The following GNB5 variants were observed in gnomAD, a reference collection of about 807,000 sequenced individuals.
GNB5 encodes the protein guanine nucleotide-binding protein subunit beta-5.
A neutral mutation model predicts 55.3 loss-of-function variants in GNB5; 37 were observed. The ratio of observed to expected loss-of-function variants is 0.67; its 90% confidence interval spans 0.51 to 0.88. GNB5 has a LOEUF of 0.88. Ranked by LOEUF, GNB5 falls within the 40% of genes least tolerant of loss-of-function variation. The pLI is 0.00. For synonymous variants in GNB5, 219 were observed against 198.5 expected, an observed-to-expected ratio of 1.10 and a Z score of -0.87; for missense variants, 476 against 515.3, an observed-to-expected ratio of 0.92 and a Z score of 0.74.
At chr15:52,142,303 C>T in intron 6 of GNB5, among the ~76,000 whole-genome samples, 1 of 152,130 alleles carries the variant, frequency 6.6e-6, no homozygotes, top group East Asian at 1.9e-4. Flanking sequence ...CTCCAACCAC[C>T]TTTCATACAA....
intron 9 of GNB5, chr15:52,128,624 C>A (rs1400211589): frequency 2.0e-6 from 1 of 500,892 alleles, no homozygotes; most frequent in African/African-American, 1.9e-5. Flanking sequence ...CATTGGATGT[C>A]TGCACTGACC....
intron 3 of GNB5, among the ~76,000 whole-genome samples, chr15:52,169,669 T>A (rs1267726419): frequency 6.6e-6 from 1 of 151,434 alleles, no homozygotes; most frequent in African/African-American, 2.4e-5. Context: ...GGCCAAAGAT[T>A]TCATGACAAA....
At chr15:52,175,383 C>A (rs2141235662) in intron 3 of GNB5, among the ~76,000 whole-genome samples, 1 of 152,270 alleles carries the variant, frequency 6.6e-6, no homozygotes, top group Middle Eastern at 3.4e-3. Context: ...CTGCAGAGGT[C>A]ATCACGAAGC....
chr15:52,137,192 CT>C, intron 7 of GNB5: 1 of 1,132,658 alleles, frequency 8.8e-7, no homozygotes, highest in Non-Finnish European at 1.1e-6. Flanking sequence ...GTCAGATAAC[CT>C]TAGCTTTGCT....
At chr15:52,134,445 A>G (rs2033650644) in intron 8 of GNB5, among the ~76,000 whole-genome samples, 1 of 152,208 alleles carries the variant, frequency 6.6e-6, no homozygotes, top group East Asian at 1.9e-4. Flanking sequence ...AATGTGGGCA[A>G]AGAAACCAGA....
At chr15:52,171,364 C>T (rs2034551941) in intron 3 of GNB5, among the ~76,000 whole-genome samples, 1 of 152,010 alleles carries the variant, frequency 6.6e-6, no homozygotes, top group African/African-American at 2.4e-5. Flanking sequence ...AACATGGAAA[C>T]ATAAGCTATG....
rs1239331904 is a variant in GNB5, at chr15:52,169,463, A to G, written c.238+10305T>C. On this transcript the variant is annotated intron_variant, in intron 3 of 12. Transcript: ENST00000261837. ...TGAGGCAGGAGAAGAGCCTGAACCC[A>G]GGAGGCGGAGGTTGCAGTGAGCAGA... Among the ~76,000 whole-genome samples, 4 of 142,502 alleles carry G rather than the reference A, an allele frequency of 2.8e-5. No homozygotes were observed. The East Asian group carries it at 9.6e-4, about 34-fold the overall frequency. 93.5% of individuals were successfully genotyped at this position (142,502 alleles called of 152,430 possible).
chr15:52,172,259 G>A (rs377337780), intron 3 of GNB5, among the ~76,000 whole-genome samples: 100 of 151,784 alleles, frequency 6.6e-4, no homozygotes, highest in Middle Eastern at 3.4e-3. Flanking sequence ...TCAGCCTCCC[G>A]AGTAGCTGGG....
chr15:52,142,539 G>T (rs2033879625), intron 6 of GNB5, among the ~76,000 whole-genome samples: 1 of 150,332 alleles, frequency 6.7e-6, no homozygotes, highest in South Asian at 2.1e-4. Flanking sequence ...CCCCAAATTT[G>T]GGGCCTCTTC....
intron 1 of GNB5, among the ~76,000 whole-genome samples, chr15:52,187,455 G>T (rs2034861934): frequency 6.6e-6 from 1 of 152,140 alleles, no homozygotes; most frequent in African/African-American, 2.4e-5. Context: ...CAGAGGAGCA[G>T]CTATGGGAAT....
At chr15:52,137,848 C>T (rs2033760370) in intron 7 of GNB5, 1 of 1,285,606 alleles carries the variant, frequency 7.8e-7, no homozygotes, top group Non-Finnish European at 1.0e-6. Flanking sequence ...CTTCTGGCTG[C>T]TCCACAGGGC....
intron 1 of GNB5, among the ~76,000 whole-genome samples, chr15:52,185,753 TTTATTATTATTATTA>T (rs9302164): frequency 1.0e-3 from 139 of 136,712 alleles, no homozygotes; most frequent in African/African-American, 3.3e-3. Context: ...TATTCATCTT[TTTATTATTATTATTA>T]TTATTATTAT....
chr15:52,141,551 T>A (rs1250887198), intron 6 of GNB5, among the ~76,000 whole-genome samples: 3 of 151,980 alleles, frequency 2.0e-5, no homozygotes, highest in Non-Finnish European at 4.4e-5. Flanking sequence ...AGTGCTAGGA[T>A]TACAGGTGTA....
chr15:52,124,188 G>T (rs1316837550), intron 12 of GNB5, among the ~76,000 whole-genome samples: 1 of 152,140 alleles, frequency 6.6e-6, no homozygotes, highest in African/African-American at 2.4e-5. Flanking sequence ...CAGACTTTTA[G>T]GGTCAAAAGG....
intron 5 of GNB5, chr15:52,149,665 T>C: frequency 1.6e-6 from 1 of 627,676 alleles, no homozygotes; most frequent in Non-Finnish European, 2.9e-6. Flanking sequence ...ATGGTGGCTC[T>C]AATTGTCCTC....
chr15:52,171,210 G>C (rs1335913058), intron 3 of GNB5, among the ~76,000 whole-genome samples: 1 of 151,816 alleles, frequency 6.6e-6, no homozygotes, highest in East Asian at 1.9e-4. Flanking sequence ...ATACTGTAAG[G>C]TTCCATATAA....
At chr15:52,185,960 G>T (rs1464352966) in intron 1 of GNB5, among the ~76,000 whole-genome samples, 1 of 151,962 alleles carries the variant, frequency 6.6e-6, no homozygotes, top group Non-Finnish European at 1.5e-5. Flanking sequence ...TGTATTTTTA[G>T]TAGAGGCAGG....
rs762948399 is a variant in GNB5, at chr15:52,122,778, CACAA to C, written c.1177-14_1177-11del. ...ATGATTAGGCCCAGACCTGTGAAGACACAAACAGATAGTTTTTAGACCTTTGTAG... is the reference window on the plus strand; with the variant it reads ...ATGATTAGGCCCAGACCTGTGAAGACACAGATAGTTTTTAGACCTTTGTAG... On this transcript the variant is annotated splice_polypyrimidine_tract_variant and intron_variant, in intron 12 of 12. Coordinates refer to ENST00000261837, the MANE Select transcript of GNB5 (RefSeq NM_016194.4). 161 of 1,602,018 alleles carry C rather than the reference CACAA, an allele frequency of 1.0e-4. No individual in the cohort carries two copies. Among genetic ancestry groups the C allele is most frequent in the Middle Eastern group, 1.7e-4 (1 of 6,036 alleles).
intron 6 of GNB5, among the ~76,000 whole-genome samples, chr15:52,142,492 T>C (rs2033878133): frequency 6.6e-6 from 1 of 152,048 alleles, no homozygotes; most frequent in East Asian, 1.9e-4. Context: ...TGTATCATGA[T>C]CCATTATTAT....
Sources: allele counts gnomAD v4.1 joint callset (sites outside exome capture counted in the v4.1 genomes callset), GRCh38; gene constraint gnomAD v4.1.1; transcripts MANE v1.5; gene names NCBI Gene and HGNC (gene_info 2026-07-23, HGNC 2026-07-21).